NUDCD1: variants seen among roughly 807,000 people sequenced by gnomAD.
NUDCD1 encodes the protein nudC domain-containing protein 1.
A neutral mutation model predicts 67.8 loss-of-function variants in NUDCD1; 60 were observed. The ratio of observed to expected loss-of-function variants is 0.88; its 90% CI spans 0.72 to 1.10. NUDCD1 has a LOEUF of 1.10. NUDCD1 is among the 50% of genes least tolerant of loss of function. The probability of loss-of-function intolerance (pLI) is 0.00; values close to 1 mark genes in which losing one functional copy is unlikely to be tolerated. For synonymous variants in NUDCD1, 244 were observed against 230.8 expected (o/e 1.06, Z -0.52); for missense variants, 643 against 695.0 (o/e 0.93, Z 0.84).
At chr8:109,274,990 T>C (rs1219118840) in intron 7 of NUDCD1, among the ~76,000 whole-genome samples, 1 of 152,074 alleles carries the variant, frequency 6.6e-6, no homozygotes, top group Non-Finnish European at 1.5e-5. Flanking sequence ...CTCAAAAATT[T>C]TAGGGATAAG....
chr8:109,249,622 G>A (rs1372883229), intron 8 of NUDCD1, among the ~76,000 whole-genome samples: 1 of 152,028 alleles, frequency 6.6e-6, no homozygotes, highest in Admixed American at 6.6e-5. Flanking sequence ...ATATATTCCT[G>A]TAATGCATAT....
chr8:109,271,639 T>C (rs952514664), intron 7 of NUDCD1, among the ~76,000 whole-genome samples: 2 of 151,848 alleles, frequency 1.3e-5, no homozygotes, highest in Admixed American at 6.6e-5. Flanking sequence ...GGGAAAAAAA[T>C]TGCAAATAAG....
At chr8:109,280,632 A>C (rs1300985084) in intron 6 of NUDCD1, among the ~76,000 whole-genome samples, 1 of 152,188 alleles carries the variant, frequency 6.6e-6, no homozygotes, top group Non-Finnish European at 1.5e-5. Flanking sequence ...ATATATTATC[A>C]AGCCAGCAAA....
intron 2 of NUDCD1, among the ~76,000 whole-genome samples, chr8:109,302,653 T>A (rs933426610): frequency 1.3e-5 from 2 of 152,160 alleles, no homozygotes; most frequent in Non-Finnish European, 2.9e-5. Flanking sequence ...TGGCTGGAGA[T>A]GAAGGCATAG....
intron 7 of NUDCD1, 26 bp from the exon 8 acceptor site, chr8:109,271,156 A>C: frequency 6.8e-7 from 1 of 1,462,192 alleles, no homozygotes; most frequent in Non-Finnish European, 9.3e-7. Flanking sequence ...AAAATAAGTA[A>C]ATAAGTAAAA....
intron 5 of NUDCD1, among the ~76,000 whole-genome samples, chr8:109,285,758 G>A (rs529265537): frequency 6.6e-6 from 1 of 152,150 alleles, no homozygotes; most frequent in South Asian, 2.1e-4. Flanking sequence ...AACAAGAAAA[G>A]CATGCTTACT....
At chr8:109,307,813 G>A (rs1488710603) in intron 2 of NUDCD1, among the ~76,000 whole-genome samples, 1 of 152,156 alleles carries the variant, frequency 6.6e-6, no homozygotes, top group Non-Finnish European at 1.5e-5. Context: ...AAAACGAGCA[G>A]AAGTAGCTAT....
At chr8:109,331,353 GAAAC>G in intron 1 of NUDCD1, among the ~76,000 whole-genome samples, 1 of 149,970 alleles carries the variant, frequency 6.7e-6, no homozygotes, top group Non-Finnish European at 1.5e-5. Flanking sequence ...AAAACAAAAA[GAAAC>G]AAACAAAAAT....
intron 3 of NUDCD1, among the ~76,000 whole-genome samples, chr8:109,295,143 C>T (rs1468546848): frequency 3.9e-5 from 6 of 152,014 alleles, no homozygotes; most frequent in Non-Finnish European, 5.9e-5. Context: ...AGGGGATACA[C>T]AAAACAAAAC....
intron 1 of NUDCD1, 66 bp downstream of exon 1, chr8:109,333,827 A>C: frequency 6.5e-7 from 1 of 1,528,650 alleles, no homozygotes; most frequent in Non-Finnish European, 8.9e-7. Context: ...AATTGCGGGA[A>C]GGGTCAGGCC....
intron 1 of NUDCD1, 32 bp from the exon 2 acceptor site, chr8:109,322,495 A>T (rs911434081): frequency 3.8e-6 from 6 of 1,562,042 alleles, no homozygotes; most frequent in Non-Finnish European, 5.2e-6. Context: ...CATAAACATC[A>T]AGAGTTTTGC....
chr8:109,252,746 T>C (rs1303870882), intron 8 of NUDCD1, among the ~76,000 whole-genome samples: 2 of 152,206 alleles, frequency 1.3e-5, no homozygotes, highest in African/African-American at 4.8e-5. Context: ...CATCTCTTCT[T>C]GACATACTTT....
chr8:109,244,021 T>C (rs1476390404), intron 9 of NUDCD1, among the ~76,000 whole-genome samples: 1 of 152,144 alleles, frequency 6.6e-6, no homozygotes, highest in Non-Finnish European at 1.5e-5. Context: ...TTCCAAAATA[T>C]AAATTATGAT....
chr8:109,264,796 T>C (rs904433646), intron 8 of NUDCD1, among the ~76,000 whole-genome samples: 3 of 151,802 alleles, frequency 2.0e-5, no homozygotes, highest in African/African-American at 7.2e-5. Flanking sequence ...TTCAACTATA[T>C]TAATGCAGAC....
intron 7 of NUDCD1, 115 bp downstream of exon 7, chr8:109,275,237 G>A (rs940425851): frequency 2.3e-6 from 2 of 878,906 alleles, no homozygotes; most frequent in African/African-American, 1.7e-5. Context: ...AGTAGTATCT[G>A]ATATGTATCT....
At chr8:109,244,733 A>G (rs1011271045) in intron 9 of NUDCD1, among the ~76,000 whole-genome samples, 3 of 152,216 alleles carry the variant, frequency 2.0e-5, no homozygotes, top group African/African-American at 7.2e-5. Flanking sequence ...ACAGAAAATC[A>G]ATGATTGCAT....
At chr8:109,328,398 C>T (rs972031876) in intron 1 of NUDCD1, among the ~76,000 whole-genome samples, 1 of 152,172 alleles carries the variant, frequency 6.6e-6, no homozygotes, top group Non-Finnish European at 1.5e-5. Context: ...TAGGCTACTA[C>T]TCTGTCATTA....
chr8:109,297,077 A>T (rs1370641385), intron 2 of NUDCD1, among the ~76,000 whole-genome samples: 3 of 152,206 alleles, frequency 2.0e-5, no homozygotes, highest in Admixed American at 1.3e-4. Flanking sequence ...TGACCACAGA[A>T]ACTGTGTGAT....
At chr8:109,316,204 T>A (rs1815391242) in intron 2 of NUDCD1, 1 of 152,238 alleles carries the variant, frequency 6.6e-6, no homozygotes, top group Admixed American at 6.5e-5. Context: ...CATTTTTGCT[T>A]TCCCAAGGCA....
Sources: gnomAD v4.1 joint callset for allele counts (sites outside exome capture counted in the v4.1 genomes callset) on GRCh38, gnomAD v4.1.1 for gene constraint, MANE v1.5 for transcripts, NCBI Gene and HGNC (gene_info 2026-07-23, HGNC 2026-07-21) for gene names.